The following HDAC9 variants were observed in gnomAD, a reference collection of about 807,000 sequenced individuals.
The protein encoded by HDAC9 is MEF-2 interacting transcription repressor (MITR) protein.
A neutral mutation model predicts 139.4 loss-of-function variants in HDAC9; 41 were observed. That is an observed-to-expected ratio of 0.29 (90% CI 0.23 to 0.38). HDAC9 has a LOEUF of 0.38. HDAC9 is among the 10% of genes least tolerant of loss of function. The probability of loss-of-function intolerance (pLI) is 1.00; values close to 1 mark genes in which losing one functional copy is unlikely to be tolerated. For synonymous variants in HDAC9, 517 were observed against 476.2 expected (o/e 1.09, Z -1.12); for missense variants, 1,147 against 1,297.0 (o/e 0.88, Z 1.78).
At chr7:18,697,221 G>A (rs1177004369) in intron 12 of HDAC9, among the ~76,000 whole-genome samples, 1 of 152,134 alleles carries the variant, frequency 6.6e-6, no homozygotes, top group African/African-American at 2.4e-5. Context: ...TGGCAGATGA[G>A]ATGCTCATCA....
At chr7:18,199,952 A>G (rs367705474) in intron 2 of HDAC9, among the ~76,000 whole-genome samples, 9 of 152,056 alleles carry the variant, frequency 5.9e-5, no homozygotes, top group East Asian at 1.9e-4. Context: ...CAGAGAGAGA[A>G]AAAAAATAAT....
At chr7:18,282,780 C>G (rs532733877) in intron 2 of HDAC9, among the ~76,000 whole-genome samples, 1 of 152,112 alleles carries the variant, frequency 6.6e-6, no homozygotes, top group African/African-American at 2.4e-5. Context: ...AGTCTTCACT[C>G]TATACAGCCA....
At chr7:18,495,544 A>T (rs1340410690), upstream of HDAC9, among the ~76,000 whole-genome samples, 2 of 152,116 alleles carry the variant, frequency 1.3e-5, no homozygotes, top group African/African-American at 4.8e-5. Flanking sequence ...GGTTGGAAAG[A>T]TAGAGGCTGG....
intron 23 of HDAC9, among the ~76,000 whole-genome samples, chr7:18,953,372 C>A (rs1782936374): frequency 6.6e-6 from 1 of 152,108 alleles, no homozygotes; most frequent in African/African-American, 2.4e-5. Context: ...ATCACCACAG[C>A]ATTCTGAGGG....
chr7:18,537,435 T>C (rs1183503082), intron 2 of HDAC9, among the ~76,000 whole-genome samples: 2 of 152,130 alleles, frequency 1.3e-5, no homozygotes, highest in African/African-American at 2.4e-5. Context: ...TCTCCAATGC[T>C]ACAATAAAAT....
At chr7:18,115,808 C>G (rs575645157) in intron 1 of HDAC9, among the ~76,000 whole-genome samples, 71 of 152,294 alleles carry the variant, frequency 4.7e-4, no homozygotes, top group African/African-American at 1.6e-3. Context: ...GCTGATACTA[C>G]TATCATCATC....
chr7:18,900,406 C>G (rs1032643978), intron 22 of HDAC9, among the ~76,000 whole-genome samples: 1 of 152,134 alleles, frequency 6.6e-6, no homozygotes, highest in Non-Finnish European at 1.5e-5. Context: ...CTTAATCACC[C>G]CATGTGGCTA....
intron 25 of HDAC9, among the ~76,000 whole-genome samples, chr7:18,993,708 T>C (rs998849735): frequency 1.3e-4 from 20 of 151,574 alleles, no homozygotes; most frequent in Non-Finnish European, 1.5e-4. Context: ...GATACTGAGG[T>C]AGGAGAATGG....
intron 16 of HDAC9, among the ~76,000 whole-genome samples, chr7:18,770,295 A>G (rs1790178848): frequency 6.6e-6 from 1 of 152,080 alleles, no homozygotes; most frequent in African/African-American, 2.4e-5. Flanking sequence ...GTGTGATTGC[A>G]CTACAAGAAA....
At chr7:18,154,269 C>A (rs747952903) in intron 1 of HDAC9, among the ~76,000 whole-genome samples, 8 of 151,748 alleles carry the variant, frequency 5.3e-5, no homozygotes, top group Non-Finnish European at 1.0e-4. Flanking sequence ...AAGGATAGCA[C>A]AGTATATTTC....
chr7:18,359,912 T>C (rs1201162067), intron 1 of HDAC9, among the ~76,000 whole-genome samples: 1 of 152,156 alleles, frequency 6.6e-6, no homozygotes, highest in African/African-American at 2.4e-5. Context: ...CCTGGCCACT[T>C]CGGTGATTTT....
chr7:18,315,785 C>T (rs1275420044), intron 1 of HDAC9, among the ~76,000 whole-genome samples: 3 of 152,178 alleles, frequency 2.0e-5, no homozygotes, highest in Admixed American at 2.0e-4. Flanking sequence ...AACTGACTTT[C>T]TTCCTGGACA....
intron 1 of HDAC9, among the ~76,000 whole-genome samples, chr7:18,438,336 G>A (rs117988412): frequency 1.7e-3 from 256 of 152,170 alleles, no homozygotes; most frequent in Admixed American, 3.1e-3. Flanking sequence ...TCCAGTGTTG[G>A]TAATGCTATG....
chr7:18,434,683 A>G (rs191494674), intron 1 of HDAC9, among the ~76,000 whole-genome samples: 10 of 152,298 alleles, frequency 6.6e-5, no homozygotes, highest in African/African-American at 9.6e-5. Context: ...AATCAAAACT[A>G]CAAGAGATAC....
At chr7:18,336,656 G>A (rs182203076) in intron 1 of HDAC9, among the ~76,000 whole-genome samples, 10 of 151,546 alleles carry the variant, frequency 6.6e-5, no homozygotes, top group African/African-American at 2.4e-4. Flanking sequence ...TCCAAGTTCA[G>A]GATATTTATT....
chr7:18,096,681 T>C (rs938808410), intron 1 of HDAC9, among the ~76,000 whole-genome samples: 3 of 152,214 alleles, frequency 2.0e-5, no homozygotes, highest in Non-Finnish European at 4.4e-5. Flanking sequence ...CATAGCACTG[T>C]GTGCATTTGT....
intron 1 of HDAC9, among the ~76,000 whole-genome samples, chr7:18,307,675 T>C (rs1471532793): frequency 1.3e-5 from 2 of 151,932 alleles, no homozygotes; most frequent in African/African-American, 2.4e-5. Flanking sequence ...TGGTGGTACA[T>C]ACATGTAGCC....
intron 1 of HDAC9, among the ~76,000 whole-genome samples, chr7:18,333,424 A>G (rs1781353071): frequency 6.6e-6 from 1 of 151,532 alleles, no homozygotes; most frequent in Non-Finnish European, 1.5e-5. Flanking sequence ...ACACACAAAT[A>G]GTAACTATGT....
intron 2 of HDAC9, among the ~76,000 whole-genome samples, chr7:18,249,913 C>G (rs1295646394): frequency 6.6e-6 from 1 of 152,048 alleles, no homozygotes; most frequent in Non-Finnish European, 1.5e-5. Context: ...TAATTTTAGG[C>G]AGGATTCTAC....
Sources: gnomAD v4.1 joint callset for allele counts (sites outside exome capture counted in the v4.1 genomes callset) on GRCh38, gnomAD v4.1.1 for gene constraint, MANE v1.5 for transcripts, NCBI Gene and HGNC (gene_info 2026-07-23, HGNC 2026-07-21) for gene names.